Variants in DPH6 observed in about 807,000 individuals in gnomAD.
The protein encoded by DPH6 is diphthamine biosynthesis 6.
Under a neutral mutation model 38.2 loss-of-function variants are expected in DPH6, and 33 were observed. The observed-to-expected ratio is 0.86, with a 90% CI of 0.65 to 1.15. The LOEUF is 1.15. Among genes scored for constraint, DPH6 ranks in the 50% most tolerant of loss-of-function variants. DPH6 has a pLI of 0.00. For missense variants in DPH6, 325 were observed against 320.0 expected (o/e 1.02, Z -0.12); for synonymous variants, 108 against 103.0 (o/e 1.05, Z -0.30).
At chr15:35,187,430 C>G in the DPH6 span, among the ~76,000 whole-genome samples, 1 of 152,190 alleles carries the variant, frequency 6.6e-6, no homozygotes, top group Non-Finnish European at 1.5e-5. Context: ...ATTAATATAA[C>G]TACTCAAAAT....
chr15:35,294,945 G>C (rs1029052739), intron 3 of DPH6, among the ~76,000 whole-genome samples: 2 of 152,168 alleles, frequency 1.3e-5, no homozygotes, highest in African/African-American at 4.8e-5. Context: ...GTGAGTTCAC[G>C]GGGCTCAGTG....
downstream of DPH6, among the ~76,000 whole-genome samples, chr15:35,368,065 G>A (rs1302593995): frequency 1.3e-5 from 2 of 151,900 alleles, no homozygotes; most frequent in African/African-American, 4.8e-5. Flanking sequence ...CTAGTAGAAA[G>A]AATAAGTCCT....
chr15:35,158,211 C>CACTCA, the DPH6 span, among the ~76,000 whole-genome samples: 142 of 75,732 alleles, frequency 1.9e-3, no homozygotes, highest in African/African-American at 4.6e-3. Context: ...AGTGGAAGGG[C>CACTCA]AGAAATGAGG....
the DPH6 span, among the ~76,000 whole-genome samples, chr15:35,198,043 A>G: frequency 6.6e-6 from 1 of 152,208 alleles, no homozygotes; most frequent in Non-Finnish European, 1.5e-5. Flanking sequence ...AAGAAAAACA[A>G]CAAGCAAAAC....
intron 3 of DPH6, among the ~76,000 whole-genome samples, chr15:35,501,157 C>A (rs2054621821): frequency 6.6e-6 from 1 of 152,138 alleles, no homozygotes; most frequent in Non-Finnish European, 1.5e-5. Context: ...ATCGAAATTT[C>A]TCTTTTCACA....
chr15:35,241,722 C>G (rs2051600946), intron 3 of DPH6, among the ~76,000 whole-genome samples: 1 of 142,412 alleles, frequency 7.0e-6, no homozygotes, highest in African/African-American at 2.5e-5. Context: ...CCCTTACCAT[C>G]TCATTAAAAC....
intron 3 of DPH6, among the ~76,000 whole-genome samples, chr15:35,325,186 T>C (rs1018247201): frequency 6.6e-6 from 1 of 152,194 alleles, no homozygotes; most frequent in Non-Finnish European, 1.5e-5. Context: ...ACATTTCTAA[T>C]CTGAATTCCA....
At chr15:35,422,985 A>G (rs60794507) in intron 5 of DPH6, among the ~76,000 whole-genome samples, 51,138 of 151,746 alleles carry the variant, frequency 0.34, 10,186 homozygotes, top group African/African-American at 0.56. Context: ...GGCTGTTTTC[A>G]TATCTTAGTG....
rs1335902561 is a variant in DPH6, at chr15:35,454,737, G to A, written c.386+10C>T. ...ACACTTTTAAAACTAACAAATTAAT[G>A]TTTTCTTACACATTTTCCACTCGAA... On this transcript the variant is annotated intron_variant, in intron 4 of 8. Coordinates refer to ENST00000256538, the MANE Select transcript of DPH6 (RefSeq NM_080650.4). 6.3e-7 allele frequency: 1 copy of A among 1,599,930 alleles called. No individual in the cohort carries two copies. Among genetic ancestry groups the A allele is most frequent in the Non-Finnish European group, 8.5e-7 (1 of 1,171,446 alleles).
chr15:35,169,402 G>T, the DPH6 span, among the ~76,000 whole-genome samples: 2 of 152,026 alleles, frequency 1.3e-5, no homozygotes, highest in African/African-American at 4.8e-5. Context: ...AAAATCCCAA[G>T]GCTGTAAAAA....
intron 3 of DPH6, among the ~76,000 whole-genome samples, chr15:35,485,042 A>G (rs1048038018): frequency 3.3e-5 from 5 of 152,230 alleles, no homozygotes; most frequent in Non-Finnish European, 4.4e-5. Flanking sequence ...CACATCCCAG[A>G]TACTGTTCTA....
At chr15:35,383,489 C>A (rs945631818) in intron 6 of DPH6, among the ~76,000 whole-genome samples, 1 of 152,210 alleles carries the variant, frequency 6.6e-6, no homozygotes, top group African/African-American at 2.4e-5. Flanking sequence ...AACGAGACAA[C>A]CTTCTTGGTC....
chr15:35,483,513 T>C (rs2054356944), intron 3 of DPH6, among the ~76,000 whole-genome samples: 2 of 149,044 alleles, frequency 1.3e-5, no homozygotes. Flanking sequence ...GAGATACCAA[T>C]ATAAACTCAC....
intron 2 of DPH6, among the ~76,000 whole-genome samples, chr15:35,540,901 T>C (rs889133332): frequency 3.3e-5 from 5 of 152,086 alleles, no homozygotes; most frequent in African/African-American, 9.7e-5. Flanking sequence ...ATCTGCTTTT[T>C]AACTTCACAA....
intron 6 of DPH6, among the ~76,000 whole-genome samples, chr15:35,406,327 C>T (rs1298507901): frequency 6.6e-6 from 1 of 151,966 alleles, no homozygotes; most frequent in Non-Finnish European, 1.5e-5. Flanking sequence ...ATCTTATAAG[C>T]CTCATTTTCC....
intron 3 of DPH6, among the ~76,000 whole-genome samples, chr15:35,243,331 CA>C (rs2051613758): frequency 7.1e-6 from 1 of 141,808 alleles, no homozygotes. Context: ...TACCACCCCC[CA>C]AAAATTTTCG....
Position 35,470,754 on chromosome 15 carries a change from TCA to T in DPH6, c.313-15936_313-15935del, listed in dbSNP as rs2054188732. ...AAGCCATGAGAAAATGTATCTGGCT[TCA>T]CAGTCTTTAAAAGTACGGAGTGAAC... is the stretch of plus-strand genomic sequence containing the variant. On this transcript the variant is annotated intron_variant, in intron 3 of 8. Coordinates refer to ENST00000256538, the MANE Select transcript of DPH6 (RefSeq NM_080650.4). Among the ~76,000 whole-genome samples, 3 of 152,286 alleles carry T rather than the reference TCA, an allele frequency of 2.0e-5. No individual in the cohort carries two copies. In the South Asian group the frequency reaches 6.2e-4, roughly 32 times the overall value.
chr15:35,215,112 G>A (rs1380203037), downstream of DPH6, among the ~76,000 whole-genome samples: 1 of 152,186 alleles, frequency 6.6e-6, no homozygotes. Context: ...TTTATGGCAT[G>A]TTTAAGAAGC....
intron 3 of DPH6, among the ~76,000 whole-genome samples, chr15:35,483,656 A>G (rs1253788269): frequency 6.6e-6 from 1 of 152,214 alleles, no homozygotes; most frequent in Non-Finnish European, 1.5e-5. Context: ...TTGAAAGTAC[A>G]AATTTAACAT....
Sources: gnomAD v4.1 joint callset for allele counts (sites outside exome capture counted in the v4.1 genomes callset) on GRCh38, gnomAD v4.1.1 for gene constraint, MANE v1.5 for transcripts, NCBI Gene and HGNC (gene_info 2026-07-23, HGNC 2026-07-21) for gene names.